Variants in GPALPP1 observed in about 807,000 individuals in gnomAD.
GPALPP1 encodes GPALPP motifs containing 1, also known as GPALPP motifs-containing protein 1.
GPALPP1 carries 30 observed loss-of-function variants against 38.9 expected under a neutral mutation model. The observed-to-expected ratio is 0.77, with a 90% confidence interval of 0.58 to 1.05. The LOEUF is 1.05. GPALPP1 is among the 50% of genes least tolerant of loss of function. The probability of loss-of-function intolerance (pLI) is 0.00; values close to 1 mark genes in which losing one functional copy is unlikely to be tolerated. For synonymous variants in GPALPP1, 120 were observed against 139.2 expected, an observed-to-expected ratio of 0.86 and a Z score of 0.97; for missense variants, 384 against 408.8, an observed-to-expected ratio of 0.94 and a Z score of 0.52.
chr13:44,994,890 G>C (rs1873135266), intron 1 of GPALPP1, among the ~76,000 whole-genome samples: 2 of 151,208 alleles, frequency 1.3e-5, no homozygotes, highest in South Asian at 2.1e-4. Context: ...TTTCGCTCTT[G>C]TTGCCCAGGC....
chr13:45,012,369 G>T (rs1192492318), intron 4 of GPALPP1, among the ~76,000 whole-genome samples: 1 of 152,034 alleles, frequency 6.6e-6, no homozygotes, highest in Non-Finnish European at 1.5e-5. Context: ...TATCTCGTGG[G>T]GAGAGGGACA....
intron 3 of GPALPP1, among the ~76,000 whole-genome samples, chr13:45,006,688 A>C (rs183382834): frequency 9.9e-5 from 15 of 152,284 alleles, no homozygotes; most frequent in Admixed American, 2.0e-4. Flanking sequence ...CAATAGAAGA[A>C]ACACATCCCC....
downstream of GPALPP1, chr13:45,033,436 A>G (rs898692255): frequency 6.6e-6 from 1 of 151,598 alleles, no homozygotes; most frequent in African/African-American, 2.4e-5. Context: ...TGCTACTTAG[A>G]TGATTTTTGC....
At chr13:44,997,129 T>C (rs894372863) in intron 1 of GPALPP1, among the ~76,000 whole-genome samples, 6 of 151,390 alleles carry the variant, frequency 4.0e-5, no homozygotes, top group African/African-American at 1.5e-4. Flanking sequence ...TCACTTAGCA[T>C]AATGTCCTTA....
chr13:45,034,745 T>A (rs1242030847), downstream of GPALPP1: 1 of 148,392 alleles, frequency 6.7e-6, no homozygotes, highest in Non-Finnish European at 1.5e-5. Context: ...TTTTTTTATT[T>A]TTTTTTTTTG....
rs1876021135 is a variant in GPALPP1 at position 45,028,758 on chromosome 13, T to TAGAAAAAAAAAAAGAGGCCAGTG, written c.*756_*778dup. 3 of 145,916 alleles carry TAGAAAAAAAAAAAGAGGCCAGTG rather than the reference T, an allele frequency of 2.1e-5. No individual in the cohort carries two copies. Among genetic ancestry groups the TAGAAAAAAAAAAAGAGGCCAGTG allele is most frequent in the African/African-American group, 7.6e-5 (3 of 39,534 alleles). The allele number at this position is 145,916 out of a possible 1,614,324, so 9.0% of individuals were successfully genotyped here. On this transcript the variant is annotated 3_prime_UTR_variant, in exon 8 of 8. Coordinates refer to ENST00000379151, the MANE Select transcript of GPALPP1 (RefSeq NM_018559.5). The stretch of plus-strand genomic sequence containing the variant: ...GCAACAAAGTGAGACCTCGTCTCTT[T>TAGAAAAAAAAAAAGAGGCCAGTG]AGAAAAAAAAAAAGAGGCCAGTGGC...
chr13:45,002,449 A>G (rs1166520234), intron 1 of GPALPP1: 1 of 151,850 alleles, frequency 6.6e-6, no homozygotes, highest in East Asian at 1.9e-4. Flanking sequence ...CTCGCCTCTT[A>G]GGGAAAGGGA....
chr13:45,015,738 G>T, intron 6 of GPALPP1, 142 bp downstream of exon 6: 1 of 511,386 alleles, frequency 2.0e-6, no homozygotes, highest in South Asian at 4.6e-5. Flanking sequence ...TCTGGAGGAA[G>T]AGTATGAGGA....
chr13:45,006,229 CGATGATGAT>C lies in GPALPP1; in HGVS notation c.257_265del (p.Asp86_Asp88del). The C allele has an allele frequency of 6.2e-7, 1 of 1,607,182 alleles. No individual in the cohort carries two copies. The highest frequency in any genetic ancestry group is 8.5e-7 in the Non-Finnish European group (1 of 1,175,248). ...AACAGAGGAAAAATCAGGATGATGACGATGATGATGATGATGGGTTTTTTGGACCAGCCC... is the reference window on the plus strand; with the variant it reads ...AACAGAGGAAAAATCAGGATGATGACGATGATGGGTTTTTTGGACCAGCCC... On this transcript the variant is annotated inframe_deletion, in exon 3 of 8. Transcript: ENST00000379151.
At chr13:45,019,933 G>A (rs1401764696) in intron 6 of GPALPP1, among the ~76,000 whole-genome samples, 1 of 122,920 alleles carries the variant, frequency 8.1e-6, no homozygotes, top group African/African-American at 3.2e-5. Flanking sequence ...CTCCCAGGCT[G>A]GGGTGCAGTG....
At chr13:44,995,169 AACAC>A (rs371911111) in intron 1 of GPALPP1, among the ~76,000 whole-genome samples, 303 of 128,602 alleles carry the variant, frequency 2.4e-3, no homozygotes, top group African/African-American at 4.9e-3. Flanking sequence ...CCTATCTTTA[AACAC>A]ACACACACAC....
intron 7 of GPALPP1, among the ~76,000 whole-genome samples, chr13:45,024,458 C>G (rs1443265120): frequency 2.0e-5 from 3 of 151,916 alleles, no homozygotes; most frequent in Non-Finnish European, 2.9e-5. Flanking sequence ...TGCCACCATA[C>G]TAGCTAATTT....
downstream of GPALPP1, among the ~76,000 whole-genome samples, chr13:45,032,376 TTTA>T (rs1283588113): frequency 1.6e-4 from 25 of 152,162 alleles, no homozygotes; most frequent in African/African-American, 5.5e-4. Flanking sequence ...TGACATTTAA[TTTA>T]TCATCTTAAC....
intron 1 of GPALPP1, among the ~76,000 whole-genome samples, chr13:45,003,439 T>C (rs1873832602): frequency 6.6e-6 from 1 of 152,162 alleles, no homozygotes; most frequent in Non-Finnish European, 1.5e-5. Flanking sequence ...TTCCAGGCCC[T>C]CCTCCAGGCC....
At position 45,004,126 on chromosome 13, in the gene GPALPP1, T is replaced by C. The variant is rs1358036611; in HGVS notation, c.89-179T>C. On this transcript the variant is annotated intron_variant, in intron 1 of 7. Transcript: ENST00000379151. ...GATTGTGTAAGACATGATTTCTGCC[T>C]TCCTAGAGCTGGAAAGACAAAACCA... Among the ~76,000 whole-genome samples, 3 of 152,328 alleles carry C rather than the reference T, an allele frequency of 2.0e-5. No individual in the cohort carries two copies. The East Asian group carries it at 5.8e-4, about 29-fold the overall frequency.
In GPALPP1 at chr13:45,015,039, A is replaced by G; in HGVS notation, c.496A>G (p.Lys166Glu). Residue 166 changes from lysine to glutamate, a missense_variant, in exon 5 of 8, where the codon AAA becomes GAA. Coordinates refer to ENST00000379151, the MANE Select transcript of GPALPP1 (RefSeq NM_018559.5). The part of the protein sequence containing the change: ...VNYNVTTEFE[K>E]RAQRMKEKLT... ...CTATAATGTAACGACAGAGTTTGAA[A>G]AAAGGGCCCAGAGAATGAAAGAAAA... The G allele has an allele frequency of 1.2e-6, 2 of 1,610,338 alleles. No individual in the cohort carries two copies. The highest frequency in any genetic ancestry group is 8.5e-7 in the Non-Finnish European group (1 of 1,177,056).
At position 45,014,976 on chromosome 13, in the gene GPALPP1, G is replaced by T. The variant is rs377579851; in HGVS notation, c.433G>T (p.Asp145Tyr). ...QQETDSSEDE[D>Y]IIGPMPAKGP... ...GGAAACAGACAGCAGTGAAGATGAG[G>T]ATATTATTGGACCAATGCCTGCAAA... is the stretch of plus-strand genomic sequence containing the variant. Residue 145 changes from aspartate (D) to tyrosine (Y), a missense_variant, in exon 5 of 8, where the codon GAT becomes TAT. Physicochemically the swap from Asp to Tyr is radical, Grantham distance 160. Transcript: ENST00000379151. 1.2e-5 allele frequency: 20 copies of T among 1,604,712 alleles called. No homozygotes were observed. Among genetic ancestry groups the T allele is most frequent in the East Asian group, 1.1e-4 (5 of 44,636 alleles).
chr13:45,005,925 C>G (rs1276329400), intron 2 of GPALPP1, among the ~76,000 whole-genome samples: 1 of 151,844 alleles, frequency 6.6e-6, no homozygotes, highest in Non-Finnish European at 1.5e-5. Flanking sequence ...ACTTGGGAGG[C>G]TGAGGCAGGA....
chr13:45,013,434 T>A (rs1303245199), intron 4 of GPALPP1, among the ~76,000 whole-genome samples: 1 of 152,254 alleles, frequency 6.6e-6, no homozygotes, highest in Non-Finnish European at 1.5e-5. Context: ...AGACCTTTTG[T>A]GTTTATTTCA....
Sources: gnomAD v4.1 joint callset for allele counts (sites outside exome capture counted in the v4.1 genomes callset) on GRCh38, gnomAD v4.1.1 for gene constraint, MANE v1.5 for transcripts, NCBI Gene and HGNC (gene_info 2026-07-23, HGNC 2026-07-21) for gene names.